Variants in NRG3 observed in about 807,000 individuals in gnomAD.
NRG3 encodes pro-neuregulin-3, membrane-bound isoform.
NRG3 carries 31 observed loss-of-function variants against 66.9 expected under a neutral mutation model. The observed-to-expected ratio is 0.46, with a 90% confidence interval of 0.35 to 0.63. The LOEUF is 0.63. NRG3 is among the 20% of genes least tolerant of loss of function. NRG3 has a pLI of 0.00. For synonymous variants in NRG3, 393 were observed against 359.4 expected, an observed-to-expected ratio of 1.09 and a Z score of -1.06; for missense variants, 910 against 878.9, an observed-to-expected ratio of 1.04 and a Z score of -0.45.
chr10:82,870,243 T>C (rs7918962), intron 4 of NRG3, among the ~76,000 whole-genome samples: 4,900 of 152,274 alleles, frequency 0.032, 199 homozygotes, highest in African/African-American at 0.1. Context: ...CCTTTTGTAC[T>C]GGCTTATTTC....
chr10:82,133,471 C>A (rs998804011), intron 1 of NRG3, among the ~76,000 whole-genome samples: 4 of 152,110 alleles, frequency 2.6e-5, no homozygotes, highest in Non-Finnish European at 4.4e-5. Context: ...TTCATAAGTT[C>A]TCTTCATTTA....
intron 1 of NRG3, among the ~76,000 whole-genome samples, chr10:82,004,028 C>CACACACACACACACACACACAT (rs1444609157): frequency 2.1e-5 from 3 of 145,630 alleles, no homozygotes; most frequent in African/African-American, 7.6e-5. Context: ...CACACACACA[C>CACACACACACACACACACACAT]ACACACAGAT....
At chr10:82,947,042 T>A (rs1849094489) in intron 4 of NRG3, among the ~76,000 whole-genome samples, 1 of 152,150 alleles carries the variant, frequency 6.6e-6, no homozygotes, top group African/African-American at 2.4e-5. Context: ...AAACCACCAC[T>A]GTAATTGAGA....
intron 1 of NRG3, among the ~76,000 whole-genome samples, chr10:82,148,188 T>C (rs2132728768): frequency 6.6e-6 from 1 of 152,218 alleles, no homozygotes; most frequent in Admixed American, 6.5e-5. Flanking sequence ...AAAACTTCTT[T>C]GAGTCAATCC....
At chr10:81,890,125 C>T (rs1043095202) in intron 1 of NRG3, among the ~76,000 whole-genome samples, 1 of 152,190 alleles carries the variant, frequency 6.6e-6, no homozygotes, top group Non-Finnish European at 1.5e-5. Context: ...AAGTAGACCA[C>T]GTGCTTGTGA....
intron 1 of NRG3, among the ~76,000 whole-genome samples, chr10:82,204,512 C>A (rs1176991642): frequency 6.6e-6 from 1 of 152,174 alleles, no homozygotes; most frequent in African/African-American, 2.4e-5. Flanking sequence ...GCAGTGTTTC[C>A]TTTACTGGCA....
At chr10:82,860,768 C>T (rs1373071885) in intron 3 of NRG3, among the ~76,000 whole-genome samples, 1 of 152,090 alleles carries the variant, frequency 6.6e-6, no homozygotes, top group Non-Finnish European at 1.5e-5. Context: ...TAGATAAAAT[C>T]AAACTGTTTT....
rs1211018043 is a variant in NRG3, at chr10:82,153,485, T to G, written c.824-205254T>G. Among the ~76,000 whole-genome samples the G allele has an allele frequency of 2.0e-5, 3 of 151,786 alleles. No homozygotes were observed. The East Asian group carries it at 5.8e-4, about 29-fold the overall frequency. ...CATTTGGTGGGCAATTACATTGCTT[T>G]TATACCTTGGCTAATGTGTATAATG... On this transcript the variant is annotated intron_variant, in intron 1 of 8. Transcript: ENST00000372141.
intron 3 of NRG3, among the ~76,000 whole-genome samples, chr10:82,835,801 G>A (rs1591668855): frequency 6.6e-6 from 1 of 152,204 alleles, no homozygotes; most frequent in East Asian, 1.9e-4. Context: ...TCAGATCTCT[G>A]AACCATTATT....
intron 2 of NRG3, among the ~76,000 whole-genome samples, chr10:82,730,067 T>A (rs978419088): frequency 2.0e-5 from 3 of 151,428 alleles, no homozygotes; most frequent in Admixed American, 6.6e-5. Flanking sequence ...ATCCCTACAT[T>A]TTCTTTTCTT....
chr10:82,398,491 ATGTGTGTGTG>A (rs1164444421), intron 2 of NRG3, among the ~76,000 whole-genome samples: 1 of 139,088 alleles, frequency 7.2e-6, no homozygotes, highest in Non-Finnish European at 1.6e-5. Flanking sequence ...GGCTTCGTGT[ATGTGTGTGTG>A]TGTGTGTGTG....
At chr10:82,593,561 A>ATT (rs35626665) in intron 2 of NRG3, among the ~76,000 whole-genome samples, 15 of 150,912 alleles carry the variant, frequency 9.9e-5, no homozygotes, top group African/African-American at 2.4e-4. Context: ...TTCTCGGCTC[A>ATT]TTTTTTTTTC....
At position 82,675,044 on chromosome 10, in the gene NRG3, C is replaced by T. The variant is rs374780394; in HGVS notation, c.954-63533C>T. On this transcript the variant is annotated intron_variant, in intron 2 of 8. Coordinates refer to ENST00000372141, the MANE Select transcript of NRG3 (RefSeq NM_001010848.4). Reference sequence around the variant, plus strand: ...GCGCGCCTCGGCTCACTGCAACCTCCGCCTCCTGGGTTCAAGCGATTCTTC... The same window carrying T: ...GCGCGCCTCGGCTCACTGCAACCTCTGCCTCCTGGGTTCAAGCGATTCTTC... 3.5e-4 allele frequency among the ~76,000 whole-genome samples: 53 copies of T among 151,980 alleles called. No individual in the cohort carries two copies. In the East Asian group the frequency reaches 7.0e-3, roughly 20 times the overall value.
intron 1 of NRG3, among the ~76,000 whole-genome samples, chr10:82,047,718 T>A (rs1169387692): frequency 4.0e-5 from 6 of 150,814 alleles, no homozygotes; most frequent in East Asian, 3.9e-4. Context: ...CCAGCTAACA[T>A]CATAATGACA....
intron 1 of NRG3, among the ~76,000 whole-genome samples, chr10:82,258,621 G>A (rs1427500645): frequency 1.3e-5 from 2 of 152,178 alleles, no homozygotes; most frequent in African/African-American, 2.4e-5. Context: ...ATGCAAAATT[G>A]TCCTAATGTT....
intron 1 of NRG3, among the ~76,000 whole-genome samples, chr10:82,255,172 T>C (rs1037501272): frequency 1.3e-5 from 2 of 152,118 alleles, no homozygotes; most frequent in Non-Finnish European, 2.9e-5. Flanking sequence ...ATAAACCCAA[T>C]CTAATTGTGA....
chr10:82,223,013 G>A (rs988595427), intron 1 of NRG3, among the ~76,000 whole-genome samples: 5 of 152,128 alleles, frequency 3.3e-5, no homozygotes, highest in African/African-American at 1.2e-4. Context: ...ATTTTCTTCT[G>A]GATCCTGCAG....
chr10:82,862,123 C>A (rs963578860), intron 3 of NRG3, among the ~76,000 whole-genome samples: 1 of 152,166 alleles, frequency 6.6e-6, no homozygotes, highest in African/African-American at 2.4e-5. Context: ...CTGGCTCTTT[C>A]CCCTTGCACC....
chr10:82,844,018 A>G (rs2063190018), intron 3 of NRG3, among the ~76,000 whole-genome samples: 1 of 151,944 alleles, frequency 6.6e-6, no homozygotes, highest in African/African-American at 2.4e-5. Context: ...ATAGTTAAAT[A>G]GATCTATATA....
Sources: allele counts gnomAD v4.1 joint callset (sites outside exome capture counted in the v4.1 genomes callset), GRCh38; gene constraint gnomAD v4.1.1; transcripts MANE v1.5; gene names NCBI Gene and HGNC (gene_info 2026-07-23, HGNC 2026-07-21).